The following CNTN1 variants were observed in gnomAD, a reference collection of about 807,000 sequenced individuals.
CNTN1 encodes the protein contactin-1.
CNTN1 carries 38 observed loss-of-function variants against 126.4 expected under a neutral mutation model. The ratio of observed to expected loss-of-function variants is 0.30; its 90% CI spans 0.23 to 0.39. The LOEUF (loss-of-function observed/expected upper bound fraction) is 0.39. Ranked by LOEUF, CNTN1 falls within the 10% of genes least tolerant of loss-of-function variation. The pLI is 1.00. For synonymous variants in CNTN1, 413 were observed against 422.6 expected, an observed-to-expected ratio of 0.98 and a Z score of 0.28; for missense variants, 1,009 against 1,248.4, an observed-to-expected ratio of 0.81 and a Z score of 2.89.
At chr12:40,951,715 TAAA>T (rs71078286) in intron 14 of CNTN1, among the ~76,000 whole-genome samples, 1 of 110,026 alleles carries the variant, frequency 9.1e-6, no homozygotes, top group Non-Finnish European at 1.8e-5. Flanking sequence ...TCTCAAAATT[TAAA>T]AAAAAAAAAA....
intron 1 of CNTN1, among the ~76,000 whole-genome samples, chr12:40,832,466 T>C (rs2136555314): frequency 6.6e-6 from 1 of 152,306 alleles, no homozygotes. Context: ...ATGCTGTTCA[T>C]GTTTGCAGCC....
At chr12:40,871,399 A>G (rs1255703363) in intron 1 of CNTN1, among the ~76,000 whole-genome samples, 1 of 152,096 alleles carries the variant, frequency 6.6e-6, no homozygotes. Flanking sequence ...GATCATTCTA[A>G]GCAATTTTAT....
intron 1 of CNTN1, among the ~76,000 whole-genome samples, chr12:40,863,968 C>G: frequency 7.2e-6 from 1 of 139,778 alleles, no homozygotes; most frequent in East Asian, 2.3e-4. Flanking sequence ...TCTCCTTCTC[C>G]TCCTTCTCCT....
At chr12:40,725,378 G>A (rs1942323633) in intron 1 of CNTN1, among the ~76,000 whole-genome samples, 1 of 127,434 alleles carries the variant, frequency 7.8e-6, no homozygotes, top group African/African-American at 3.1e-5. Flanking sequence ...TCCAGCCTGG[G>A]CAACAAAAGT....
intron 1 of CNTN1, among the ~76,000 whole-genome samples, chr12:40,694,095 C>T (rs924339266): frequency 6.6e-6 from 1 of 152,058 alleles, no homozygotes; most frequent in Admixed American, 6.6e-5. Context: ...TTATTAGACT[C>T]GGCATAATGG....
chr12:40,816,676 C>G (rs911077193), intron 1 of CNTN1, among the ~76,000 whole-genome samples: 3 of 151,702 alleles, frequency 2.0e-5, no homozygotes, highest in African/African-American at 7.3e-5. Context: ...TATTTCTTGT[C>G]TTCTGGCAGC....
chr12:40,996,724 A>AT (rs1174973363), intron 17 of CNTN1, among the ~76,000 whole-genome samples: 1 of 152,210 alleles, frequency 6.6e-6, no homozygotes, highest in Non-Finnish European at 1.5e-5. Context: ...TTTAAAAGTC[A>AT]TTTTATGTAT....
At chr12:40,721,307 G>A (rs1942204009) in intron 1 of CNTN1, among the ~76,000 whole-genome samples, 1 of 151,918 alleles carries the variant, frequency 6.6e-6, no homozygotes, top group East Asian at 1.9e-4. Context: ...TAGCTACATG[G>A]ATGATGACTA....
chr12:40,921,061 T>C (rs1047722539), intron 4 of CNTN1, among the ~76,000 whole-genome samples: 3 of 152,220 alleles, frequency 2.0e-5, no homozygotes, highest in African/African-American at 7.2e-5. Flanking sequence ...AGGGACAATA[T>C]TGCCATCACC....
chr12:40,969,338 G>A (rs895713067), intron 15 of CNTN1, among the ~76,000 whole-genome samples: 4 of 152,144 alleles, frequency 2.6e-5, no homozygotes, highest in Non-Finnish European at 4.4e-5. Flanking sequence ...AAGCTACAGA[G>A]AGATTTTAGT....
Position 41,032,947 on chromosome 12 carries a change from T to C in CNTN1, c.2980+3728T>C, listed in dbSNP as rs1949178370. On this transcript the variant is annotated intron_variant, in intron 23 of 23. Coordinates refer to ENST00000551295, the MANE Select transcript of CNTN1 (RefSeq NM_001843.4). ...GTTGAATTAATTCATGATTTCTGTA[T>C]AGAGAAAAGCCCACTAACAAGAATA... 2.0e-5 allele frequency among the ~76,000 whole-genome samples: 3 copies of C among 152,170 alleles called. No individual in the cohort carries two copies. In the South Asian group the frequency reaches 6.2e-4, roughly 32 times the overall value.
intron 15 of CNTN1, among the ~76,000 whole-genome samples, chr12:40,964,703 A>C (rs1223119149): frequency 6.6e-6 from 1 of 152,066 alleles, no homozygotes; most frequent in Non-Finnish European, 1.5e-5. Flanking sequence ...ATTTTTTCTT[A>C]AGAAGGCTAT....
At chr12:40,769,958 C>T (rs1290810705) in intron 1 of CNTN1, among the ~76,000 whole-genome samples, 1 of 151,990 alleles carries the variant, frequency 6.6e-6, no homozygotes, top group African/African-American at 2.4e-5. Context: ...AGGAGAAGAC[C>T]TAAGGGCCTA....
chr12:40,814,897 C>T (rs994329360), intron 1 of CNTN1, among the ~76,000 whole-genome samples: 2 of 151,964 alleles, frequency 1.3e-5, no homozygotes, highest in East Asian at 3.9e-4. Context: ...TAGCTGTCCT[C>T]GAAAAGGTCC....
intron 1 of CNTN1, among the ~76,000 whole-genome samples, chr12:40,805,190 G>A (rs778343596): frequency 4.0e-5 from 6 of 151,832 alleles, no homozygotes; most frequent in Non-Finnish European, 7.4e-5. Context: ...TTGGATATGC[G>A]GTTTAGTGTA....
intron 1 of CNTN1, among the ~76,000 whole-genome samples, chr12:40,763,752 T>C (rs1262206612): frequency 6.6e-6 from 1 of 152,156 alleles, no homozygotes; most frequent in Non-Finnish European, 1.5e-5. Flanking sequence ...TATTGAAAAG[T>C]GAATTTCAAT....
At chr12:40,907,415 G>C (rs1183899676) in intron 1 of CNTN1, among the ~76,000 whole-genome samples, 2 of 152,002 alleles carry the variant, frequency 1.3e-5, no homozygotes, top group African/African-American at 4.8e-5. Flanking sequence ...TTTCTTTTTT[G>C]AGTCTTCATA....
chr12:40,956,975 TATG>T (rs372552666), intron 14 of CNTN1, among the ~76,000 whole-genome samples: 35 of 151,874 alleles, frequency 2.3e-4, no homozygotes, highest in African/African-American at 8.4e-4. Context: ...TTCAAGAATT[TATG>T]ATGAGTTTAT....
At chr12:40,945,627 T>C (rs919156666) in intron 14 of CNTN1, among the ~76,000 whole-genome samples, 1 of 151,514 alleles carries the variant, frequency 6.6e-6, no homozygotes, top group African/African-American at 2.4e-5. Context: ...AAAATACTAA[T>C]TACATTGTGC....
Sources: gnomAD v4.1 joint callset for allele counts (sites outside exome capture counted in the v4.1 genomes callset) on GRCh38, gnomAD v4.1.1 for gene constraint, MANE v1.5 for transcripts, NCBI Gene and HGNC (gene_info 2026-07-23, HGNC 2026-07-21) for gene names.